The following ST6GALNAC3 variants were observed in gnomAD, a reference collection of about 807,000 sequenced individuals.
The protein encoded by ST6GALNAC3 is ST6 N-acetylgalactosaminide alpha-2,6-sialyltransferase 3, also known as alpha-N-acetylgalactosaminide alpha-2,6-sialyltransferase 3.
Under a neutral mutation model 32.7 loss-of-function variants are expected in ST6GALNAC3, and 25 were observed. The observed-to-expected ratio is 0.76, with a 90% CI of 0.56 to 1.07. ST6GALNAC3 has a LOEUF of 1.07. Among genes scored for constraint, ST6GALNAC3 ranks in the 50% least tolerant of loss-of-function variants. The pLI is 0.00. For synonymous variants in ST6GALNAC3, 129 were observed against 133.1 expected (o/e 0.97, Z 0.21); for missense variants, 355 against 382.4 (o/e 0.93, Z 0.60).
chr1:76,148,790 C>T (rs1232041393), intron 1 of ST6GALNAC3, among the ~76,000 whole-genome samples: 4 of 152,220 alleles, frequency 2.6e-5, no homozygotes, highest in Admixed American at 1.3e-4. Flanking sequence ...CTTTCTAATA[C>T]AGCTTTTCCA....
chr1:76,392,636 C>T (rs555696175), intron 2 of ST6GALNAC3, among the ~76,000 whole-genome samples: 1 of 152,180 alleles, frequency 6.6e-6, no homozygotes, highest in African/African-American at 2.4e-5. Context: ...ATTAATCAGC[C>T]TGGGACTGGA....
In ST6GALNAC3 at chr1:76,300,304, T is replaced by C. The variant is rs145022323; in HGVS notation, c.19-13501T>C. On this transcript the variant is annotated intron_variant, in intron 1 of 4. Coordinates refer to ENST00000328299, the MANE Select transcript of ST6GALNAC3 (RefSeq NM_152996.4). The stretch of plus-strand genomic sequence containing the variant: ...ATTTTCAAGTGTCTAAAGGCATGCC[T>C]AACTCTGTGATAAGAAATGGATGTG... 2.1e-3 allele frequency among the ~76,000 whole-genome samples: 314 copies of C among 152,136 alleles called. 2 individuals carry two copies. Among genetic ancestry groups the C allele is most frequent in the African/African-American group, 7.0e-3 (290 of 41,552 alleles).
At chr1:76,433,915 G>T (rs1188986178) in intron 3 of ST6GALNAC3, among the ~76,000 whole-genome samples, 1 of 152,198 alleles carries the variant, frequency 6.6e-6, no homozygotes, top group African/African-American at 2.4e-5. Flanking sequence ...CATTATGGTA[G>T]CATCACACTG....
At chr1:76,150,339 C>T (rs1235422369) in intron 1 of ST6GALNAC3, among the ~76,000 whole-genome samples, 2 of 152,190 alleles carry the variant, frequency 1.3e-5, no homozygotes, top group African/African-American at 2.4e-5. Context: ...TTCTTGTTCA[C>T]TCTCTTCCTT....
chr1:76,527,999 C>T (rs563977218), intron 3 of ST6GALNAC3, among the ~76,000 whole-genome samples: 1 of 152,224 alleles, frequency 6.6e-6, no homozygotes, highest in East Asian at 1.9e-4. Context: ...AATATTTGAC[C>T]TTTTGAGTGA....
intron 1 of ST6GALNAC3, among the ~76,000 whole-genome samples, chr1:76,155,769 G>T (rs1183826724): frequency 6.6e-6 from 1 of 152,020 alleles, no homozygotes; most frequent in Admixed American, 6.6e-5. Context: ...GAGCCACCGC[G>T]CCCGGCCTCC....
chr1:76,375,664 A>G (rs2101094459), intron 2 of ST6GALNAC3, among the ~76,000 whole-genome samples: 1 of 152,354 alleles, frequency 6.6e-6, no homozygotes, highest in African/African-American at 2.4e-5. Flanking sequence ...AGTCAATTTC[A>G]GTGATCACAG....
intron 2 of ST6GALNAC3, among the ~76,000 whole-genome samples, chr1:76,390,511 A>G (rs1160871589): frequency 2.6e-5 from 4 of 152,202 alleles, no homozygotes; most frequent in African/African-American, 9.7e-5. Context: ...GCTACTGGTA[A>G]TCAGCCTTTT....
At chr1:76,451,852 A>G (rs754121570) in intron 3 of ST6GALNAC3, among the ~76,000 whole-genome samples, 1 of 152,316 alleles carries the variant, frequency 6.6e-6, no homozygotes, top group East Asian at 1.9e-4. Flanking sequence ...ATACAATTAT[A>G]TCATCAGCAA....
rs1648986356 is a variant in ST6GALNAC3, at chr1:76,351,675, A to G, written c.213+37676A>G. Reference sequence around the variant, plus strand: ...TATAATTAAAATTTTTTCAGAGTTTATGAGAAGTAGGATAATCATATATCC... The same window carrying G: ...TATAATTAAAATTTTTTCAGAGTTTGTGAGAAGTAGGATAATCATATATCC... On this transcript the variant is annotated intron_variant, in intron 2 of 4. Coordinates refer to ENST00000328299, the MANE Select transcript of ST6GALNAC3 (RefSeq NM_152996.4). 2.6e-5 allele frequency among the ~76,000 whole-genome samples: 4 copies of G among 152,152 alleles called. No individual in the cohort carries two copies. The South Asian group carries it at 8.3e-4, about 32-fold the overall frequency.
At chr1:76,589,423 G>C (rs1416357769) in intron 3 of ST6GALNAC3, among the ~76,000 whole-genome samples, 3 of 151,934 alleles carry the variant, frequency 2.0e-5, no homozygotes, top group Middle Eastern at 3.4e-3. Context: ...TGGTGTAAAG[G>C]AATCTACCTG....
intron 3 of ST6GALNAC3, among the ~76,000 whole-genome samples, chr1:76,573,879 G>T (rs181436054): frequency 1.3e-5 from 2 of 152,108 alleles, no homozygotes; most frequent in African/African-American, 4.8e-5. Flanking sequence ...GTAGGAGTGG[G>T]GTTGGCAGGG....
intron 3 of ST6GALNAC3, among the ~76,000 whole-genome samples, chr1:76,545,208 A>C (rs1007110785): frequency 6.6e-6 from 1 of 152,234 alleles, no homozygotes; most frequent in Non-Finnish European, 1.5e-5. Flanking sequence ...ACTAAAAGTC[A>C]CAAAGTAGCA....
At chr1:76,468,603 G>A (rs1258544878) in intron 3 of ST6GALNAC3, among the ~76,000 whole-genome samples, 2 of 151,844 alleles carry the variant, frequency 1.3e-5, no homozygotes, top group Non-Finnish European at 2.9e-5. Flanking sequence ...GATAAATGGA[G>A]GATTTTAGTT....
intron 1 of ST6GALNAC3, among the ~76,000 whole-genome samples, chr1:76,194,139 C>G (rs1323830532): frequency 6.6e-6 from 1 of 152,146 alleles, no homozygotes; most frequent in Non-Finnish European, 1.5e-5. Flanking sequence ...TTCTCAAGGT[C>G]ACATGAGTAA....
rs149526526 is a variant in ST6GALNAC3, at chr1:76,285,980, C to T, written c.19-27825C>T. Among the ~76,000 whole-genome samples, 269 of 151,540 alleles carry T rather than the reference C, an allele frequency of 1.8e-3. 2 individuals carry two copies. The highest frequency in any genetic ancestry group is 6.0e-3 in the African/African-American group (249 of 41,300). ...ATACAGGAAGGCAGAGAGAATGAGACAGATGGAGACACAGGAAAGACATGC... is the reference window on the plus strand; with the variant it reads ...ATACAGGAAGGCAGAGAGAATGAGATAGATGGAGACACAGGAAAGACATGC... On this transcript the variant is annotated intron_variant, in intron 1 of 4. Transcript: ENST00000328299.
rs1654730730 is a variant in ST6GALNAC3 at position 76,417,544 on chromosome 1, A to C, written c.623+5127A>C. 2.0e-5 allele frequency among the ~76,000 whole-genome samples: 3 copies of C among 152,158 alleles called. No homozygotes were observed. In the South Asian group the frequency reaches 6.2e-4, roughly 31 times the overall value. ...GCCACACTTAACAATGAAGAATGTG[A>C]TCATGTTCCTGGCACACACATATGC... On this transcript the variant is annotated intron_variant, in intron 3 of 4. Transcript: ENST00000328299.
chr1:76,617,436 C>A (rs947321996), intron 3 of ST6GALNAC3, among the ~76,000 whole-genome samples: 6 of 151,968 alleles, frequency 3.9e-5, no homozygotes, highest in African/African-American at 1.4e-4. Flanking sequence ...AAGCCAAAAT[C>A]TTTAATTACC....
chr1:76,402,578 C>T (rs1019684175), intron 2 of ST6GALNAC3, among the ~76,000 whole-genome samples: 5 of 152,170 alleles, frequency 3.3e-5, no homozygotes, highest in African/African-American at 1.2e-4. Flanking sequence ...ACATACCTTA[C>T]AGTAGCTTCA....
Sources: gnomAD v4.1 joint callset for allele counts (sites outside exome capture counted in the v4.1 genomes callset) on GRCh38, gnomAD v4.1.1 for gene constraint, MANE v1.5 for transcripts, NCBI Gene and HGNC (gene_info 2026-07-23, HGNC 2026-07-21) for gene names.